ME1: variants seen among roughly 807,000 people sequenced by gnomAD.
ME1 encodes the protein NADP-dependent malic enzyme.
ME1 carries 74 observed loss-of-function variants against 66.4 expected under a neutral mutation model. The ratio of observed to expected loss-of-function variants is 1.11; its 90% CI spans 0.92 to 1.35. The LOEUF (loss-of-function observed/expected upper bound fraction) is 1.35, where lower values mean the gene tolerates loss of function less well. Ranked by LOEUF, ME1 falls within the 40% of genes most tolerant of loss-of-function variation. ME1 has a pLI of 0.00. For synonymous variants in ME1, 251 were observed against 235.6 expected (o/e 1.07, Z -0.60); for missense variants, 750 against 694.1 (o/e 1.08, Z -0.90).
chr6:83,258,592 G>A lies in ME1; in HGVS notation c.705-4854C>T, dbSNP rs559737317. ...TAAAAACTGCAGAGATTTTGCTCCC[G>A]TGGCATTGTTAAATGTGACAAATAC... On this transcript the variant is annotated intron_variant, in intron 6 of 13. Coordinates refer to ENST00000369705, the MANE Select transcript of ME1 (RefSeq NM_002395.6). Among the ~76,000 whole-genome samples, 8 of 152,216 alleles carry A rather than the reference G, an allele frequency of 5.3e-5. No individual in the cohort carries two copies. The South Asian group carries it at 6.2e-4, about 12-fold the overall frequency.
intron 3 of ME1, among the ~76,000 whole-genome samples, chr6:83,377,118 G>T (rs1769306843): frequency 6.6e-6 from 1 of 152,080 alleles, no homozygotes; most frequent in Admixed American, 6.6e-5. Context: ...GACTTTAAGT[G>T]AAAAAATAAC....
At chr6:83,370,638 G>T (rs1456704262) in intron 3 of ME1, among the ~76,000 whole-genome samples, 1 of 152,044 alleles carries the variant, frequency 6.6e-6, no homozygotes, top group Non-Finnish European at 1.5e-5. Context: ...ATTTAGACTG[G>T]TATCTCAGGT....
At chr6:83,290,027 C>A (rs1050103566) in intron 6 of ME1, among the ~76,000 whole-genome samples, 3 of 151,938 alleles carry the variant, frequency 2.0e-5, no homozygotes, top group African/African-American at 7.2e-5. Context: ...CCTCTTTTAT[C>A]CTTTATTAGT....
At chr6:83,276,257 A>T (rs554963137) in intron 6 of ME1, among the ~76,000 whole-genome samples, 1 of 152,332 alleles carries the variant, frequency 6.6e-6, no homozygotes, top group South Asian at 2.1e-4. Context: ...ACTGAAGATG[A>T]ATCTCTAACC....
At chr6:83,353,715 G>C (rs1480480048) in intron 3 of ME1, among the ~76,000 whole-genome samples, 1 of 152,100 alleles carries the variant, frequency 6.6e-6, no homozygotes, top group East Asian at 1.9e-4. Flanking sequence ...TCTTCATGCT[G>C]TCCCCTGAGT....
chr6:83,409,736 G>C (rs1417787197), intron 1 of ME1, among the ~76,000 whole-genome samples: 1 of 152,146 alleles, frequency 6.6e-6, no homozygotes, highest in African/African-American at 2.4e-5. Flanking sequence ...AATCTTCAGC[G>C]CAAGAAGCAG....
intron 4 of ME1, among the ~76,000 whole-genome samples, chr6:83,349,036 C>T (rs1768748165): frequency 7.1e-6 from 1 of 140,350 alleles, no homozygotes; most frequent in Admixed American, 7.7e-5. Context: ...TTTCTTATTT[C>T]TTCATAACTT....
intron 5 of ME1, among the ~76,000 whole-genome samples, chr6:83,318,006 C>A (rs1193932555): frequency 6.6e-6 from 1 of 152,044 alleles, no homozygotes; most frequent in Non-Finnish European, 1.5e-5. Context: ...CACATATCTA[C>A]AACTATCTGA....
Position 83,211,007 on chromosome 6 carries a change from AG to A in ME1, c.*916del, listed in dbSNP as rs1305683802. The A allele has an allele frequency of 6.6e-6, 1 of 152,218 alleles. No individual in the cohort carries two copies. The highest frequency in any genetic ancestry group is 2.4e-5 in the African/African-American group (1 of 41,464). 9.4% of individuals were successfully genotyped at this position (152,218 alleles called of 1,614,324 possible). On this transcript the variant is annotated 3_prime_UTR_variant, in exon 14 of 14. Coordinates refer to ENST00000369705, the MANE Select transcript of ME1 (RefSeq NM_002395.6). ...GAGTTAATTAAGAGGCCATTCTGGC[AG>A]GTAACTCCAGTAGGAACCTAACTTG...
At chr6:83,405,709 T>A (rs1428312664) in intron 2 of ME1, among the ~76,000 whole-genome samples, 2 of 139,850 alleles carry the variant, frequency 1.4e-5, no homozygotes, top group African/African-American at 5.5e-5. Context: ...GAGTTTTTTT[T>A]GTTGTTGTTG....
chr6:83,414,170 T>C (rs1481343826), intron 1 of ME1, among the ~76,000 whole-genome samples: 1 of 151,340 alleles, frequency 6.6e-6, no homozygotes, highest in East Asian at 1.9e-4. Context: ...CCAACCTCAT[T>C]TCCCCCCCAA....
chr6:83,286,294 C>G (rs1238587187), intron 6 of ME1, among the ~76,000 whole-genome samples: 1 of 152,136 alleles, frequency 6.6e-6, no homozygotes, highest in East Asian at 1.9e-4. Context: ...GCATTTAGAA[C>G]TGAGCTTGGT....
chr6:83,373,130 A>C (rs1769223898), intron 3 of ME1, among the ~76,000 whole-genome samples: 1 of 152,192 alleles, frequency 6.6e-6, no homozygotes, highest in Non-Finnish European at 1.5e-5. Flanking sequence ...TTCCTGTTAA[A>C]TAACCCTCAT....
chr6:83,371,768 A>C (rs1769196734), intron 3 of ME1, among the ~76,000 whole-genome samples: 1 of 152,228 alleles, frequency 6.6e-6, no homozygotes. Flanking sequence ...ATTCAAATTT[A>C]TGCTACTACT....
chr6:83,250,010 A>G (rs958797601), intron 7 of ME1, among the ~76,000 whole-genome samples: 1 of 152,170 alleles, frequency 6.6e-6, no homozygotes, highest in African/African-American at 2.4e-5. Context: ...CCAGCTGTTC[A>G]TTGTGGCCTT....
chr6:83,261,222 C>T (rs974087466), intron 6 of ME1, among the ~76,000 whole-genome samples: 6 of 152,032 alleles, frequency 3.9e-5, no homozygotes, highest in African/African-American at 1.2e-4. Context: ...TGATATTGAG[C>T]TTTTTTTCAT....
intron 7 of ME1, among the ~76,000 whole-genome samples, chr6:83,250,527 C>T (rs1790705530): frequency 6.6e-6 from 1 of 152,152 alleles, no homozygotes; most frequent in Non-Finnish European, 1.5e-5. Context: ...CAGTTACTGC[C>T]CTGCCATTCT....
intron 3 of ME1, among the ~76,000 whole-genome samples, chr6:83,365,345 C>T (rs765143133): frequency 1.3e-5 from 2 of 152,128 alleles, no homozygotes; most frequent in East Asian, 3.9e-4. Context: ...CCACCTTTCT[C>T]GGCCTCCCAA....
At chr6:83,266,025 T>C (rs1025495128) in intron 6 of ME1, among the ~76,000 whole-genome samples, 4 of 152,186 alleles carry the variant, frequency 2.6e-5, no homozygotes, top group Admixed American at 2.0e-4. Flanking sequence ...ACCATTATGA[T>C]ACTTAAAATA....
Sources: gnomAD v4.1 joint callset for allele counts (sites outside exome capture counted in the v4.1 genomes callset) on GRCh38, gnomAD v4.1.1 for gene constraint, MANE v1.5 for transcripts, NCBI Gene and HGNC (gene_info 2026-07-23, HGNC 2026-07-21) for gene names.